SYNRG: variants seen among roughly 807,000 people sequenced by gnomAD.
SYNRG encodes the protein synergin gamma.
In SYNRG, 37 loss-of-function variants were observed where a neutral mutation model predicts 130.9. That is an observed-to-expected ratio of 0.28 (90% confidence interval 0.22 to 0.37). The LOEUF (loss-of-function observed/expected upper bound fraction) is 0.37, where lower values mean the gene tolerates loss of function less well. Among genes scored for constraint, SYNRG ranks in the 10% least tolerant of loss-of-function variants. The pLI is 1.00. For missense variants in SYNRG, 1,338 were observed against 1,588.9 expected, an observed-to-expected ratio of 0.84 and a Z score of 2.68; for synonymous variants, 539 against 568.1, an observed-to-expected ratio of 0.95 and a Z score of 0.73.
chr17:37,544,653 C>G (rs984618453), intron 14 of SYNRG, among the ~76,000 whole-genome samples: 2 of 152,004 alleles, frequency 1.3e-5, no homozygotes, highest in Admixed American at 1.3e-4. Flanking sequence ...AATGGAAAAG[C>G]CTTTAGCCCA....
intron 10 of SYNRG, among the ~76,000 whole-genome samples, chr17:37,569,731 A>T (rs559365436): frequency 6.6e-6 from 1 of 151,954 alleles, no homozygotes; most frequent in South Asian, 2.1e-4. Context: ...TATATCATGC[A>T]TGTTTGCAAA....
chr17:37,524,162 A>T (rs78127715), intron 19 of SYNRG, among the ~76,000 whole-genome samples: 8,125 of 152,200 alleles, frequency 0.053, 277 homozygotes, highest in Middle Eastern at 0.092. Context: ...GTCTTCATGG[A>T]TACTGAGGTG....
Position 37,571,837 on chromosome 17 carries a change from G to C in SYNRG, c.1052C>G (p.Thr351Arg). The C allele has an allele frequency of 1.2e-6, 2 of 1,614,074 alleles. No homozygotes were observed. Among genetic ancestry groups the C allele is most frequent in the South Asian group, 1.1e-5 (1 of 91,074 alleles). ...LANRTTPGKL[T>R]KEELYTVLAM... is the part of the protein sequence containing the mutation. ...TAGAACGGTATAAAGTTCTTCTTTTGTAAGTTTGCCAGGTGTAGTTCGATT... is the reference window on the plus strand; with the variant it reads ...TAGAACGGTATAAAGTTCTTCTTTTCTAAGTTTGCCAGGTGTAGTTCGATT... The change falls in exon 9 of 22, where the codon ACA becomes AGA. Residue 351 changes from threonine (T) to arginine (R), a missense_variant. Physicochemically the swap from Thr to Arg is moderately conservative, Grantham distance 71. This residue lies in a region of SYNRG where 1,146 missense variants were observed against 1,342.3 expected (regional missense o/e 0.85). Coordinates refer to ENST00000612223, the MANE Select transcript of SYNRG (RefSeq NM_007247.6).
chr17:37,526,198 T>C (rs1239672126), intron 19 of SYNRG, among the ~76,000 whole-genome samples: 1 of 152,116 alleles, frequency 6.6e-6, no homozygotes, highest in African/African-American at 2.4e-5. Context: ...TTTCTCATGT[T>C]TCCTTGACAC....
At chr17:37,537,617 G>A (rs1333849923) in intron 18 of SYNRG, 5 of 152,184 alleles carry the variant, frequency 3.3e-5, no homozygotes, top group Non-Finnish European at 5.9e-5. Flanking sequence ...GTGACAGAGT[G>A]TGAACCTGTC....
At chr17:37,563,038 G>A (rs1052726245) in intron 11 of SYNRG, among the ~76,000 whole-genome samples, 1 of 151,966 alleles carries the variant, frequency 6.6e-6, no homozygotes, top group African/African-American at 2.4e-5. Flanking sequence ...ACTACTGCTT[G>A]CTGATTAAAG....
At chr17:37,592,404 A>C (rs1202521748) in intron 3 of SYNRG, among the ~76,000 whole-genome samples, 3 of 152,214 alleles carry the variant, frequency 2.0e-5, no homozygotes, top group Non-Finnish European at 4.4e-5. Flanking sequence ...AAAAAACTGA[A>C]AATGCAATAC....
chr17:37,577,664 C>A (rs758069753), intron 6 of SYNRG, 51 bp from the exon 7 acceptor site: 678 of 1,045,156 alleles, frequency 6.5e-4, no homozygotes, highest in Non-Finnish European at 9.0e-4. Flanking sequence ...TATGTCTAAT[C>A]TTTTTAACCA....
chr17:37,559,172 T>G (rs540620917), intron 13 of SYNRG, among the ~76,000 whole-genome samples: 2 of 152,332 alleles, frequency 1.3e-5, no homozygotes, highest in African/African-American at 4.8e-5. Flanking sequence ...CCTTTTTAAT[T>G]GTACGCTCTA....
intron 15 of SYNRG, 43 bp from the exon 16 acceptor site, chr17:37,540,586 C>T (rs1016555913): frequency 6.3e-7 from 1 of 1,586,810 alleles, no homozygotes; most frequent in Non-Finnish European, 8.6e-7. Context: ...TGGCTACTCA[C>T]CTTAGTTCAG....
At chr17:37,562,706 A>C (rs1471788141) in intron 11 of SYNRG, among the ~76,000 whole-genome samples, 1 of 152,210 alleles carries the variant, frequency 6.6e-6, no homozygotes, top group Non-Finnish European at 1.5e-5. Flanking sequence ...AACAGCTGCT[A>C]CATAACTGAT....
In SYNRG at chr17:37,520,837, C is replaced by T. The variant is rs2054929094; in HGVS notation, c.3667-189G>A. Among the ~76,000 whole-genome samples, 5 of 152,196 alleles carry T rather than the reference C, an allele frequency of 3.3e-5. No homozygotes were observed. The South Asian group carries it at 1.0e-3, about 32-fold the overall frequency. ...GTTCCAGGTGCTAGGAAGGCCGGCA[C>T]CAGTACAACACGCCCTCTGACCTCT... On this transcript the variant is annotated intron_variant, in intron 19 of 21. Transcript: ENST00000612223.
At chr17:37,587,099 T>C (rs2061750942) in intron 3 of SYNRG, among the ~76,000 whole-genome samples, 1 of 152,168 alleles carries the variant, frequency 6.6e-6, no homozygotes, top group Non-Finnish European at 1.5e-5. Context: ...ATAAAGTTTG[T>C]TAAAGTGTCC....
intron 19 of SYNRG, among the ~76,000 whole-genome samples, chr17:37,521,882 C>T (rs373507983): frequency 2.1e-4 from 32 of 152,058 alleles, no homozygotes; most frequent in African/African-American, 7.0e-4. Flanking sequence ...TAATAAGACA[C>T]GTGAGAGAAG....
intron 1 of SYNRG, among the ~76,000 whole-genome samples, chr17:37,602,025 A>G (rs932100270): frequency 3.9e-5 from 6 of 152,146 alleles, no homozygotes; most frequent in Middle Eastern, 6.8e-3. Context: ...CAAATAAATA[A>G]ATAAATAAAG....
chr17:37,594,315 T>A (rs1274635195), intron 3 of SYNRG, among the ~76,000 whole-genome samples: 1 of 147,826 alleles, frequency 6.8e-6, no homozygotes. Context: ...ATTATTTTAA[T>A]TAATATTTAA....
chr17:37,592,305 A>G (rs1439309848), intron 3 of SYNRG, among the ~76,000 whole-genome samples: 1 of 152,224 alleles, frequency 6.6e-6, no homozygotes, highest in Non-Finnish European at 1.5e-5. Context: ...AAATGCAGGT[A>G]AGGATGCAGT....
chr17:37,592,720 T>C (rs550925195), intron 3 of SYNRG, among the ~76,000 whole-genome samples: 83 of 152,278 alleles, frequency 5.5e-4, no homozygotes, highest in Non-Finnish European at 7.5e-4. Flanking sequence ...CACAAAATTA[T>C]AGAAATGGGG....
intron 19 of SYNRG, among the ~76,000 whole-genome samples, chr17:37,534,112 T>G (rs944311893): frequency 2.7e-5 from 4 of 150,594 alleles, no homozygotes; most frequent in Admixed American, 2.0e-4. Flanking sequence ...TTTTTTTTTT[T>G]TTTGTATTTT....
Sources: allele counts gnomAD v4.1 joint callset (sites outside exome capture counted in the v4.1 genomes callset), GRCh38; gene constraint gnomAD v4.1.1; regional missense constraint gnomAD v4.1.1; transcripts MANE v1.5; gene names NCBI Gene and HGNC (gene_info 2026-07-23, HGNC 2026-07-21).